The following FGF13 variants were observed in gnomAD, a reference collection of about 807,000 sequenced individuals.
FGF13 encodes fibroblast growth factor 13, also known as fibroblast growth factor homologous factor 2.
In FGF13, 2 loss-of-function variants were observed where a neutral mutation model predicts 19.5. That is an observed-to-expected ratio of 0.10 (90% CI 0.04 to 0.32). The LOEUF (loss-of-function observed/expected upper bound fraction) is 0.32, where lower values mean the gene tolerates loss of function less well. FGF13 is among the 10% of genes least tolerant of loss of function. The pLI is 1.00. For missense variants in FGF13, 113 were observed against 192.7 expected (o/e 0.59, Z 2.45); for synonymous variants, 72 against 76.9 (o/e 0.94, Z 0.33).
At chrX:138,861,610 C>G (rs2091288484) in intron 2 of FGF13, among the ~76,000 whole-genome samples, 2 of 111,961 alleles carry the variant, frequency 1.8e-5, no homozygotes, top group Non-Finnish European at 3.8e-5. Flanking sequence ...GAAAATAAAA[C>G]TCAGGAGGGG....
exon 3 of FGF13, chrX:138,857,553 G>T: frequency 8.3e-7 from 1 of 1,207,601 alleles, no homozygotes; most frequent in Non-Finnish European, 1.1e-6. Context: ...TTGCTTCAGC[G>T]GGCAGCAGAA....
chrX:138,697,603 T>G (rs1433409939), intron 3 of FGF13, among the ~76,000 whole-genome samples: 1 of 110,750 alleles, frequency 9.0e-6, no homozygotes, highest in Non-Finnish European at 1.9e-5. Flanking sequence ...TGCCCCAACT[T>G]CAACCCAAGC....
chrX:138,765,454 T>C (rs770579477), intron 3 of FGF13, among the ~76,000 whole-genome samples: 3 of 112,100 alleles, frequency 2.7e-5, no homozygotes, highest in Non-Finnish European at 5.6e-5. Flanking sequence ...ATCTCACTGG[T>C]ACTATAACAG....
rs1446716491 is a variant in FGF13, at chrX:139,065,039, C to T, written c.-113+138377G>A. Among the ~76,000 whole-genome samples the T allele has an allele frequency of 2.7e-5, 3 of 110,665 alleles. No homozygotes were observed. In the Admixed American group the frequency reaches 2.9e-4, roughly 11 times the overall value. Reference sequence around the variant, plus strand: ...GATCCATCAGGTCATTTATGTTCTTCTCTAAACTGGTTATTCTAGTTAGCA... The same window carrying T: ...GATCCATCAGGTCATTTATGTTCTTTTCTAAACTGGTTATTCTAGTTAGCA... On this transcript the variant is annotated intron_variant, in intron 1 of 2. Transcript: ENST00000421460.
At chrX:138,770,982 C>G (rs1001040664) in intron 3 of FGF13, among the ~76,000 whole-genome samples, 1 of 111,161 alleles carries the variant, frequency 9.0e-6, no homozygotes, top group Non-Finnish European at 1.9e-5. Flanking sequence ...CCCCTCTGGC[C>G]TGGTAACATT....
intron 3 of FGF13, among the ~76,000 whole-genome samples, chrX:138,786,771 C>T (rs1457540930): frequency 8.9e-6 from 1 of 112,172 alleles, no homozygotes; most frequent in African/African-American, 3.2e-5. Flanking sequence ...TGATGCTGGG[C>T]AAGGCACATA....
At chrX:138,675,510 TGAAA>T (rs1335340176) in intron 3 of FGF13, among the ~76,000 whole-genome samples, 1 of 111,481 alleles carries the variant, frequency 9.0e-6, no homozygotes, top group African/African-American at 3.3e-5. Context: ...AATAATTCTG[TGAAA>T]GAAAAATTCT....
At chrX:139,107,239 C>T (rs779635806) in intron 1 of FGF13, among the ~76,000 whole-genome samples, 15 of 111,611 alleles carry the variant, frequency 1.3e-4, no homozygotes, top group African/African-American at 4.9e-4. Flanking sequence ...AAGTTAATGC[C>T]TAAAATTATG....
At chrX:138,803,055 C>T (rs1349107129) in intron 3 of FGF13, among the ~76,000 whole-genome samples, 1 of 111,953 alleles carries the variant, frequency 8.9e-6, no homozygotes, top group East Asian at 2.8e-4. Context: ...CACGCCAACA[C>T]CAAGTTCTCC....
upstream of FGF13, chrX:139,203,953 T>G (rs1441957740): frequency 8.1e-5 from 70 of 865,990 alleles, no homozygotes; most frequent in Non-Finnish European, 1.2e-4. Flanking sequence ...CATGGGCAGC[T>G]TAGGCTCCGG....
chrX:138,779,530 G>T (rs1418373893), intron 3 of FGF13, among the ~76,000 whole-genome samples: 75 of 109,436 alleles, frequency 6.9e-4, no homozygotes, highest in African/African-American at 2.5e-3. Flanking sequence ...GAAGCCTCAG[G>T]AGCCGATGCG....
chrX:138,705,418 T>G (rs746918053), intron 2 of FGF13, among the ~76,000 whole-genome samples: 55 of 111,757 alleles, frequency 4.9e-4, no homozygotes, highest in Non-Finnish European at 9.8e-4. Flanking sequence ...GAAGGAGGAA[T>G]AGAAGAAAAA....
At chrX:138,978,855 CAG>C (rs2091951998) in intron 1 of FGF13, among the ~76,000 whole-genome samples, 1 of 111,656 alleles carries the variant, frequency 9.0e-6, no homozygotes, top group African/African-American at 3.3e-5. Flanking sequence ...GAGTAAAAAA[CAG>C]AGTTATGTAC....
At chrX:138,726,581 C>T (rs2090187582) in intron 1 of FGF13, among the ~76,000 whole-genome samples, 1 of 111,877 alleles carries the variant, frequency 8.9e-6, no homozygotes, top group Non-Finnish European at 1.9e-5. Flanking sequence ...TTAAAGACAG[C>T]TTTATCTGCA....
In FGF13 at chrX:138,748,924, A is replaced by G. The variant is rs376498831; in HGVS notation, c.218-39996T>C. On this transcript the variant is annotated intron_variant, in intron 3 of 6. Coordinates refer to the FGF13 transcript ENST00000436198. ...AATAAGAGGCAAAATCACAATCTCCAAAAGAAAAGTGAAGCAGCAAATGTT... is the reference window on the plus strand; with the variant it reads ...AATAAGAGGCAAAATCACAATCTCCGAAAGAAAAGTGAAGCAGCAAATGTT... 2.6e-3 allele frequency among the ~76,000 whole-genome samples: 286 copies of G among 112,153 alleles called. 1 individual carries two copies. Among genetic ancestry groups the G allele is most frequent in the African/African-American group, 8.7e-3 (268 of 30,913 alleles).
intron 3 of FGF13, among the ~76,000 whole-genome samples, chrX:138,762,772 T>C (rs1010492999): frequency 9.8e-5 from 11 of 112,224 alleles, no homozygotes; most frequent in Non-Finnish European, 2.1e-4. Context: ...AATGAGATCA[T>C]GCATAAAATT....
intron 1 of FGF13, among the ~76,000 whole-genome samples, chrX:138,872,358 T>C (rs2091362771): frequency 8.9e-6 from 1 of 111,805 alleles, no homozygotes; most frequent in African/African-American, 3.3e-5. Flanking sequence ...AATCTATCTA[T>C]GTAGAATGTG....
At chrX:139,101,328 C>T in intron 1 of FGF13, among the ~76,000 whole-genome samples, 1 of 112,256 alleles carries the variant, frequency 8.9e-6, no homozygotes, top group Non-Finnish European at 1.9e-5. Context: ...TTTAATCATC[C>T]TTGAAGCCAA....
At chrX:138,879,180 A>C (rs780182687) in intron 1 of FGF13, among the ~76,000 whole-genome samples, 1 of 111,573 alleles carries the variant, frequency 9.0e-6, no homozygotes, top group African/African-American at 3.3e-5. Context: ...TTGGAGAAAT[A>C]TCTATTTAAG....
Sources: gnomAD v4.1 joint callset for allele counts (sites outside exome capture counted in the v4.1 genomes callset) on GRCh38, gnomAD v4.1.1 for gene constraint, MANE v1.5 for transcripts, NCBI Gene and HGNC (gene_info 2026-07-23, HGNC 2026-07-21) for gene names.